KLF12: variants seen among roughly 807,000 people sequenced by gnomAD.
KLF12 encodes the protein KLF transcription factor 12, also known as Krueppel-like factor 12.
Under a neutral mutation model 37.8 loss-of-function variants are expected in KLF12, and 9 were observed. The observed-to-expected ratio is 0.24, with a 90% CI of 0.14 to 0.42. The LOEUF (loss-of-function observed/expected upper bound fraction) is 0.42. Ranked by LOEUF, KLF12 falls within the 10% of genes least tolerant of loss-of-function variation. KLF12 has a pLI of 1.00. For synonymous variants in KLF12, 208 were observed against 202.1 expected (o/e 1.03, Z -0.25); for missense variants, 411 against 516.0 (o/e 0.80, Z 1.97).
chr13:74,067,154 T>C (rs758128217), intron 1 of KLF12, among the ~76,000 whole-genome samples: 76 of 152,278 alleles, frequency 5.0e-4, no homozygotes, highest in South Asian at 2.1e-3. Context: ...TTGAACAACC[T>C]TGCAAAGTAT....
At chr13:74,036,300 G>A (rs559775515) in intron 1 of KLF12, among the ~76,000 whole-genome samples, 1 of 152,220 alleles carries the variant, frequency 6.6e-6, no homozygotes, top group South Asian at 2.1e-4. Flanking sequence ...GTTCTTCAAA[G>A]AACGACCTTA....
intron 2 of KLF12, among the ~76,000 whole-genome samples, chr13:73,957,049 AG>A (rs1453726056): frequency 4.4e-4 from 24 of 54,192 alleles, no homozygotes; most frequent in South Asian, 2.8e-3. Context: ...AGGAAAGGAA[AG>A]GAAAGGAAAG....
chr13:74,217,685 C>T, the KLF12 span, among the ~76,000 whole-genome samples: 2,821 of 152,238 alleles, frequency 0.019, 90 homozygotes, highest in African/African-American at 0.065. Context: ...CGAGATTGCG[C>T]CACCGCACTC....
At chr13:74,078,713 T>C (rs1874708878) in intron 1 of KLF12, among the ~76,000 whole-genome samples, 1 of 152,154 alleles carries the variant, frequency 6.6e-6, no homozygotes, top group African/African-American at 2.4e-5. Context: ...TTCAGAGTAA[T>C]GATTCAAATG....
the KLF12 span, among the ~76,000 whole-genome samples, chr13:74,293,866 A>C: frequency 6.6e-6 from 1 of 152,220 alleles, no homozygotes; most frequent in Non-Finnish European, 1.5e-5. Flanking sequence ...AATTAGTGCT[A>C]ACCACCAGAA....
At chr13:74,143,918 C>T in the KLF12 span, among the ~76,000 whole-genome samples, 1 of 152,298 alleles carries the variant, frequency 6.6e-6, no homozygotes, top group African/African-American at 2.4e-5. Flanking sequence ...AGGGTAGGTG[C>T]ATGTTTTACA....
chr13:73,775,926 G>T (rs1880580805), intron 5 of KLF12, among the ~76,000 whole-genome samples: 1 of 152,100 alleles, frequency 6.6e-6, no homozygotes, highest in Non-Finnish European at 1.5e-5. Flanking sequence ...AGCTCACTAA[G>T]CTGTACCACT....
chr13:73,958,838 A>G (rs1199942440), intron 2 of KLF12, among the ~76,000 whole-genome samples: 2 of 151,668 alleles, frequency 1.3e-5, no homozygotes, highest in African/African-American at 4.8e-5. Flanking sequence ...AGAGATGTTA[A>G]AAGTCCTTAG....
At chr13:73,851,650 T>TATA (rs1885341326) in intron 3 of KLF12, among the ~76,000 whole-genome samples, 2 of 152,178 alleles carry the variant, frequency 1.3e-5, no homozygotes, top group African/African-American at 4.8e-5. Flanking sequence ...GCAGTCTTAT[T>TATA]ATGAGACAAT....
intron 3 of KLF12, among the ~76,000 whole-genome samples, chr13:73,939,492 T>TA (rs1273944791): frequency 6.6e-6 from 1 of 152,090 alleles, no homozygotes; most frequent in Non-Finnish European, 1.5e-5. Flanking sequence ...TATCCTTAAA[T>TA]AAAAATTCAA....
In KLF12 at chr13:73,897,316, T is replaced by C. The variant is rs1346968560; in HGVS notation, c.123+46665A>G. Among the ~76,000 whole-genome samples, 11 of 152,204 alleles carry C rather than the reference T, an allele frequency of 7.2e-5. 1 individual carries two copies. Among genetic ancestry groups the C allele is most frequent in the Admixed American group, 7.2e-4 (11 of 15,280 alleles). On this transcript the variant is annotated intron_variant, in intron 3 of 7. Transcript: ENST00000377669. ...TTGAATGAACTAACAGCTTTGGTAATAAATTCAGCTTCCCAAGCGCAACAT... is the reference window on the plus strand; with the variant it reads ...TTGAATGAACTAACAGCTTTGGTAACAAATTCAGCTTCCCAAGCGCAACAT...
At chr13:73,735,607 T>A (rs1877393841) in intron 6 of KLF12, among the ~76,000 whole-genome samples, 2 of 151,786 alleles carry the variant, frequency 1.3e-5, no homozygotes, top group African/African-American at 4.8e-5. Flanking sequence ...CAAAAAGGAG[T>A]GAGCAGCATT....
At chr13:73,994,912 TA>T in intron 2 of KLF12, 77 bp downstream of exon 2, 1 of 915,488 alleles carries the variant, frequency 1.1e-6, no homozygotes, top group Non-Finnish European at 1.8e-6. Flanking sequence ...GAAGGTACTC[TA>T]ATGAGAATAA....
At chr13:73,992,080 C>T (rs1891984147) in intron 2 of KLF12, among the ~76,000 whole-genome samples, 1 of 152,196 alleles carries the variant, frequency 6.6e-6, no homozygotes, top group South Asian at 2.1e-4. Flanking sequence ...TTAATGTGAA[C>T]TCTGATAAGC....
rs114320236 is a variant in KLF12, at chr13:73,971,705, C to T, written c.33+23285G>A. On this transcript the variant is annotated intron_variant, in intron 2 of 7. Transcript: ENST00000377669. ...ACTACTGACGTCAATGAAAATACTA[C>T]ATTCACAATGGTGATATGAACTATG... Among the ~76,000 whole-genome samples the T allele has an allele frequency of 7.6e-3, 1,163 of 152,250 alleles. 20 individuals carry two copies. Among genetic ancestry groups the T allele is most frequent in the African/African-American group, 0.027 (1,118 of 41,546 alleles).
intron 5 of KLF12, among the ~76,000 whole-genome samples, chr13:73,804,159 A>G (rs1056657597): frequency 1.3e-5 from 2 of 152,036 alleles, no homozygotes; most frequent in African/African-American, 2.4e-5. Context: ...CCACATGCCA[A>G]TGCTCTTACC....
intron 1 of KLF12, among the ~76,000 whole-genome samples, chr13:74,124,632 T>C (rs1381375119): frequency 6.6e-6 from 1 of 152,172 alleles, no homozygotes; most frequent in Admixed American, 6.5e-5. Context: ...ATAAACCATC[T>C]GTAAACTCAT....
At chr13:73,848,501 T>G (rs1023776515) in intron 3 of KLF12, among the ~76,000 whole-genome samples, 9 of 150,368 alleles carry the variant, frequency 6.0e-5, no homozygotes, top group African/African-American at 2.2e-4. Context: ...TAACAACATC[T>G]TGTTGCTATG....
At chr13:73,809,405 T>C (rs1412668258) in intron 5 of KLF12, among the ~76,000 whole-genome samples, 2 of 152,072 alleles carry the variant, frequency 1.3e-5, no homozygotes. Context: ...AATGGTGAAA[T>C]AGTCATATCC....
Sources: gnomAD v4.1 joint callset for allele counts (sites outside exome capture counted in the v4.1 genomes callset) on GRCh38, gnomAD v4.1.1 for gene constraint, MANE v1.5 for transcripts, NCBI Gene and HGNC (gene_info 2026-07-23, HGNC 2026-07-21) for gene names.